Variants in MAP7 observed in about 807,000 individuals in gnomAD.
The protein encoded by MAP7 is ensconsin.
MAP7 carries 52 observed loss-of-function variants against 94.8 expected under a neutral mutation model. The observed-to-expected ratio is 0.55, with a 90% CI of 0.44 to 0.69. The LOEUF is 0.69. MAP7 is among the 30% of genes least tolerant of loss of function. The pLI is 0.00. For missense variants in MAP7, 940 were observed against 964.6 expected, an observed-to-expected ratio of 0.97 and a Z score of 0.34; for synonymous variants, 350 against 357.0, an observed-to-expected ratio of 0.98 and a Z score of 0.22.
At chr6:136,464,452 T>G (rs984742555) in intron 1 of MAP7, among the ~76,000 whole-genome samples, 3 of 152,234 alleles carry the variant, frequency 2.0e-5, no homozygotes. Context: ...AACTGCTCTA[T>G]TTTATCATTA....
At chr6:136,377,698 T>C in intron 7 of MAP7, 57 bp downstream of exon 7, 2 of 1,283,904 alleles carry the variant, frequency 1.6e-6, no homozygotes, top group Non-Finnish European at 2.3e-6. Context: ...ATTAGACGAA[T>C]ATGCTTCAAA....
Position 136,516,038 on chromosome 6 carries a change from T to C in MAP7, c.67+34304A>G, listed in dbSNP as rs1824714558. On this transcript the variant is annotated intron_variant, in intron 1 of 17. Coordinates refer to ENST00000354570, the MANE Select transcript of MAP7 (RefSeq NM_003980.6). ...GACATATTCATTGCTTTCTGCAAGC[T>C]TCGTCTAGTTGAGGAGACAGACAAT... 2.0e-5 allele frequency among the ~76,000 whole-genome samples: 3 copies of C among 152,164 alleles called. No individual in the cohort carries two copies. In the South Asian group the frequency reaches 6.2e-4, roughly 32 times the overall value.
chr6:136,451,590 T>A (rs1266173016), intron 1 of MAP7, among the ~76,000 whole-genome samples: 1 of 152,202 alleles, frequency 6.6e-6, no homozygotes, highest in African/African-American at 2.4e-5. Context: ...GACTCTCAAG[T>A]CTTATTTAAG....
intron 1 of MAP7, among the ~76,000 whole-genome samples, chr6:136,495,411 A>T (rs1817878955): frequency 6.6e-6 from 1 of 151,538 alleles, no homozygotes; most frequent in South Asian, 2.1e-4. Context: ...TCTGGGTTTA[A>T]ATACATAGGT....
intron 1 of MAP7, among the ~76,000 whole-genome samples, chr6:136,527,371 C>A (rs527846921): frequency 9.2e-5 from 14 of 152,254 alleles, no homozygotes; most frequent in Middle Eastern, 3.4e-3. Context: ...TAATAAAAAT[C>A]AAGTCTGCTT....
At chr6:136,470,089 C>T (rs1308554277) in intron 1 of MAP7, among the ~76,000 whole-genome samples, 1 of 152,142 alleles carries the variant, frequency 6.6e-6, no homozygotes, top group East Asian at 1.9e-4. Context: ...TGAAGAAAGC[C>T]TTGTCTTGCC....
intron 1 of MAP7, among the ~76,000 whole-genome samples, chr6:136,532,304 G>GA (rs1192052697): frequency 1.3e-5 from 2 of 152,168 alleles, no homozygotes; most frequent in African/African-American, 4.8e-5. Flanking sequence ...TTTGAAATAG[G>GA]ATGATAAATG....
At chr6:136,349,358 T>C (rs1270066089) in intron 16 of MAP7, among the ~76,000 whole-genome samples, 1 of 152,014 alleles carries the variant, frequency 6.6e-6, no homozygotes, top group East Asian at 1.9e-4. Flanking sequence ...ATAAAATCCA[T>C]ATATGTTATT....
rs1582674994 is a variant in MAP7, at chr6:136,362,633, A to G, written c.1343T>C (p.Val448Ala). The change falls in exon 11 of 18, where the codon GTC becomes GCC. Residue 448 changes from valine (V) to alanine (A), a missense_variant. Transcript: ENST00000354570. ...GGCTGAGACCATGGCTGGGGTGGGG[A>G]CCGGGGCTGGAGCTGGGGCCGAGGC... ...APASAPAPAPVPTPAMVSAPS... is the reference protein window; with the variant it reads ...APASAPAPAPAPTPAMVSAPS... 6.2e-7 allele frequency: 1 copy of G among 1,611,410 alleles called. No homozygotes were observed. Among genetic ancestry groups the G allele is most frequent in the African/African-American group, 1.3e-5 (1 of 74,684 alleles).
intron 3 of MAP7, among the ~76,000 whole-genome samples, chr6:136,397,825 T>G (rs1007446975): frequency 4.6e-5 from 7 of 152,158 alleles, no homozygotes; most frequent in African/African-American, 1.7e-4. Flanking sequence ...ATTCAGTATT[T>G]AAATCATTAA....
At chr6:136,461,158 T>G (rs917261358) in intron 1 of MAP7, among the ~76,000 whole-genome samples, 27 of 152,192 alleles carry the variant, frequency 1.8e-4, no homozygotes, top group African/African-American at 6.5e-4. Context: ...CCAAACTCCA[T>G]GTTTTATAAC....
intron 2 of MAP7, among the ~76,000 whole-genome samples, chr6:136,415,987 A>G (rs1582847580): frequency 6.6e-6 from 1 of 152,200 alleles, no homozygotes; most frequent in Non-Finnish European, 1.5e-5. Context: ...AAAGTTATTT[A>G]GTGTAGGTTG....
At chr6:136,410,233 A>C (rs181726962) in intron 3 of MAP7, among the ~76,000 whole-genome samples, 33 of 152,084 alleles carry the variant, frequency 2.2e-4, no homozygotes, top group Non-Finnish European at 4.3e-4. Context: ...GCTATAACTA[A>C]AGAGATCTAC....
At chr6:136,501,218 C>T (rs752010603) in intron 1 of MAP7, among the ~76,000 whole-genome samples, 2 of 152,188 alleles carry the variant, frequency 1.3e-5, no homozygotes, top group African/African-American at 4.8e-5. Flanking sequence ...GCCAGAGAAG[C>T]AGAACAGTGA....
At chr6:136,438,883 G>A (rs1355189862) in intron 1 of MAP7, among the ~76,000 whole-genome samples, 1 of 151,978 alleles carries the variant, frequency 6.6e-6, no homozygotes, top group East Asian at 1.9e-4. Flanking sequence ...AGTGAAGAGA[G>A]AACAATAAAC....
intron 3 of MAP7, among the ~76,000 whole-genome samples, chr6:136,395,417 T>G (rs1219964067): frequency 2.7e-5 from 4 of 146,220 alleles, no homozygotes; most frequent in East Asian, 3.9e-4. Context: ...GATTTTTTTT[T>G]TTTTTTTTTT....
intron 1 of MAP7, among the ~76,000 whole-genome samples, chr6:136,508,391 A>G (rs774924422): frequency 1.3e-5 from 2 of 152,214 alleles, no homozygotes; most frequent in Non-Finnish European, 2.9e-5. Context: ...GATTTGTCAC[A>G]TCATTATGAG....
At chr6:136,497,094 T>A (rs1324873822) in intron 1 of MAP7, among the ~76,000 whole-genome samples, 1 of 152,082 alleles carries the variant, frequency 6.6e-6, no homozygotes, top group African/African-American at 2.4e-5. Flanking sequence ...AACATATCTC[T>A]CTCTTGCTGT....
At chr6:136,367,137 A>G (rs146946582) in intron 8 of MAP7, among the ~76,000 whole-genome samples, 82 of 152,372 alleles carry the variant, frequency 5.4e-4, no homozygotes, top group African/African-American at 1.9e-3. Context: ...CTGATTGCCA[A>G]CTAGGAATTC....
Sources: gnomAD v4.1 joint callset for allele counts (sites outside exome capture counted in the v4.1 genomes callset) on GRCh38, gnomAD v4.1.1 for gene constraint, MANE v1.5 for transcripts, NCBI Gene and HGNC (gene_info 2026-07-23, HGNC 2026-07-21) for gene names.